Variants in KIT observed in about 807,000 individuals in gnomAD.
KIT encodes KIT proto-oncogene, receptor tyrosine kinase.
In KIT, 16 loss-of-function variants were observed where a neutral mutation model predicts 105.7. The ratio of observed to expected loss-of-function variants is 0.15; its 90% confidence interval spans 0.10 to 0.23. KIT has a LOEUF of 0.23. Ranked by LOEUF, KIT falls within the 10% of genes least tolerant of loss-of-function variation. KIT has a pLI of 1.00. For missense variants in KIT, 858 were observed against 1,213.8 expected, an observed-to-expected ratio of 0.71 and a Z score of 4.36; for synonymous variants, 438 against 441.1, an observed-to-expected ratio of 0.99 and a Z score of 0.09.
chr4:54,699,203 T>A (rs1307592281), intron 3 of KIT, among the ~76,000 whole-genome samples: 8 of 152,292 alleles, frequency 5.3e-5, no homozygotes, highest in Middle Eastern at 3.4e-3. Flanking sequence ...AAAATTTGAT[T>A]ATTTAAAACC....
chr4:54,709,272 A>G (rs1720987199), intron 6 of KIT, 152 bp from the exon 7 acceptor site: 4 of 660,736 alleles, frequency 6.1e-6, no homozygotes, highest in Non-Finnish European at 1.1e-5. Flanking sequence ...GTGTTTATGT[A>G]TTTGTTAATG....
In KIT at chr4:54,738,593, A is replaced by T; in HGVS notation, c.*36A>T. 6.2e-7 allele frequency: 1 copy of T among 1,612,020 alleles called. No homozygotes were observed. Among genetic ancestry groups the T allele is most frequent in the Non-Finnish European group, 8.5e-7 (1 of 1,179,670 alleles). On this transcript the variant is annotated 3_prime_UTR_variant, in exon 21 of 21. Coordinates refer to ENST00000288135, the MANE Select transcript of KIT (RefSeq NM_000222.3). ...TGTTTGGGTCACCCCTCCAGGAATG[A>T]TCTCTTCTTTTGGCTTCCATGATGG...
chr4:54,709,128 G>A (rs1440805580), intron 6 of KIT, among the ~76,000 whole-genome samples: 1 of 152,044 alleles, frequency 6.6e-6, no homozygotes, highest in African/African-American at 2.4e-5. Flanking sequence ...AGGGTGGTGG[G>A]GGGAGGGCGG....
At chr4:54,685,452 C>T (rs1719245513) in intron 1 of KIT, among the ~76,000 whole-genome samples, 1 of 152,224 alleles carries the variant, frequency 6.6e-6, no homozygotes, top group Non-Finnish European at 1.5e-5. Context: ...GTCCCAGGCT[C>T]ACCTGGCATA....
chr4:54,679,549 G>A (rs11736090), intron 1 of KIT, among the ~76,000 whole-genome samples: 1,602 of 152,212 alleles, frequency 0.011, 26 homozygotes, highest in Non-Finnish European at 0.015. Context: ...GGAGGGGAAG[G>A]TGCAATTTTC....
chr4:54,661,318 C>T (rs766250621), intron 1 of KIT, among the ~76,000 whole-genome samples: 2 of 152,310 alleles, frequency 1.3e-5, no homozygotes, highest in African/African-American at 4.8e-5. Flanking sequence ...AAGTATTCTG[C>T]GGGCTTCCCT....
intron 7 of KIT, among the ~76,000 whole-genome samples, chr4:54,712,856 T>C (rs1050305747): frequency 6.6e-6 from 1 of 152,196 alleles, no homozygotes; most frequent in Non-Finnish European, 1.5e-5. Flanking sequence ...GGTCCTGACC[T>C]CAAGCTCTTC....
chr4:54,715,643 G>T (rs1721440559), intron 7 of KIT, among the ~76,000 whole-genome samples: 1 of 152,106 alleles, frequency 6.6e-6, no homozygotes, highest in African/African-American at 2.4e-5. Context: ...TACAGCACCA[G>T]GCTAATCATG....
chr4:54,715,743 C>G (rs533867468), intron 7 of KIT, among the ~76,000 whole-genome samples: 1 of 152,244 alleles, frequency 6.6e-6, no homozygotes, highest in East Asian at 1.9e-4. Flanking sequence ...TTGAAGGGGA[C>G]AAATATTCAA....
chr4:54,713,335 G>A (rs3020828), intron 7 of KIT, among the ~76,000 whole-genome samples: 145,551 of 152,068 alleles, frequency 0.96, 70,010 homozygotes, highest in Middle Eastern at 1. Context: ...TGCTTAGCTC[G>A]TGAGGTAGGA....
chr4:54,694,242 T>C (rs960783605), intron 1 of KIT, among the ~76,000 whole-genome samples: 1 of 151,822 alleles, frequency 6.6e-6, no homozygotes, highest in Admixed American at 6.6e-5. Context: ...GCTGTCATCT[T>C]CTCCTCCTCC....
At chr4:54,712,086 A>G (rs1247756863) in intron 7 of KIT, among the ~76,000 whole-genome samples, 1 of 152,226 alleles carries the variant, frequency 6.6e-6, no homozygotes, top group Non-Finnish European at 1.5e-5. Flanking sequence ...TTGTTCATAC[A>G]GAATTTTATT....
At position 54,698,489 on chromosome 4, in the gene KIT, G is replaced by C. The variant is rs746419269; in HGVS notation, c.543G>C (p.Arg181=). The C allele has an allele frequency of 1.4e-5, 22 of 1,614,076 alleles. No individual in the cohort carries two copies. The Admixed American group carries it at 3.7e-4, about 27-fold the overall frequency. ...MIKSVKRAYH[R]LCLHCSVDQE... Reference sequence around the variant, plus strand: ...AAAGTGTGAAACGCGCCTACCATCGGCTCTGTCTGCATTGTTCTGTGGACC... The same window carrying C: ...AAAGTGTGAAACGCGCCTACCATCGCCTCTGTCTGCATTGTTCTGTGGACC... Residue 181 remains arginine, a synonymous_variant, in exon 3 of 21, where the codon CGG becomes CGC. Transcript: ENST00000288135.
intron 5 of KIT, among the ~76,000 whole-genome samples, chr4:54,706,468 A>T (rs1720795226): frequency 3.9e-5 from 6 of 152,050 alleles, no homozygotes; most frequent in Admixed American, 3.3e-4. Context: ...TAGACTTTTA[A>T]AAATATTTAT....
chr4:54,694,179 G>T (rs1021922225), intron 1 of KIT, among the ~76,000 whole-genome samples: 2 of 152,044 alleles, frequency 1.3e-5, no homozygotes, highest in Non-Finnish European at 2.9e-5. Flanking sequence ...TTTTAGCCAG[G>T]CTGGTTTCTG....
At chr4:54,684,651 ACTC>A (rs767834124) in intron 1 of KIT, among the ~76,000 whole-genome samples, 9 of 149,152 alleles carry the variant, frequency 6.0e-5, no homozygotes. Context: ...CCTCCCCCAA[ACTC>A]CTCCCTGACA....
chr4:54,698,573 CTCTT>C lies in KIT; in HGVS notation c.619+13_619+16del. The C allele has an allele frequency of 1.2e-6, 2 of 1,613,940 alleles. No individual in the cohort carries two copies. Among genetic ancestry groups the C allele is most frequent in the South Asian group, 1.1e-5 (1 of 91,070 alleles). On this transcript the variant is annotated intron_variant, in intron 3 of 20. Transcript: ENST00000288135. ...TCCTGAAAGTGAGGCCAGGTACTGG[CTCTT>C]TCTTATCTGCCTCTGGGAGTTGAGA...
chr4:54,666,507 T>G (rs1259987749), intron 1 of KIT, among the ~76,000 whole-genome samples: 2 of 152,024 alleles, frequency 1.3e-5, no homozygotes, highest in Middle Eastern at 3.4e-3. Context: ...CTTGATCTCT[T>G]GACCTCGTGA....
intron 1 of KIT, among the ~76,000 whole-genome samples, chr4:54,676,317 T>C (rs1718465798): frequency 6.6e-6 from 1 of 152,204 alleles, no homozygotes; most frequent in Non-Finnish European, 1.5e-5. Context: ...CAGGTGATTC[T>C]GCTGCAGGCG....
Sources: gnomAD v4.1 joint callset for allele counts (sites outside exome capture counted in the v4.1 genomes callset) on GRCh38, gnomAD v4.1.1 for gene constraint, MANE v1.5 for transcripts, NCBI Gene and HGNC (gene_info 2026-07-23, HGNC 2026-07-21) for gene names.